COG5: variants seen among roughly 807,000 people sequenced by gnomAD.
The protein encoded by COG5 is component of oligomeric golgi complex 5.
Under a neutral mutation model 110.4 loss-of-function variants are expected in COG5, and 86 were observed. The observed-to-expected ratio is 0.78, with a 90% confidence interval of 0.65 to 0.93. COG5 has a LOEUF of 0.93. Ranked by LOEUF, COG5 falls within the 40% of genes least tolerant of loss-of-function variation. COG5 has a pLI of 0.00. For missense variants in COG5, 1,077 were observed against 987.0 expected, an observed-to-expected ratio of 1.09 and a Z score of -1.22; for synonymous variants, 360 against 334.6, an observed-to-expected ratio of 1.08 and a Z score of -0.83.
chr7:107,361,202 A>T (rs574882406), intron 10 of COG5, among the ~76,000 whole-genome samples: 34 of 152,328 alleles, frequency 2.2e-4, no homozygotes, highest in African/African-American at 8.2e-4. Context: ...AAAACACATC[A>T]ATATAATGAA....
At chr7:107,512,677 T>C (rs112896915) in intron 6 of COG5, among the ~76,000 whole-genome samples, 1 of 152,240 alleles carries the variant, frequency 6.6e-6, no homozygotes, top group Non-Finnish European at 1.5e-5. Flanking sequence ...CAAAGCAGCA[T>C]GGTACTGGTA....
chr7:107,229,818 G>C (rs187919541), intron 19 of COG5, among the ~76,000 whole-genome samples: 370 of 146,690 alleles, frequency 2.5e-3, no homozygotes, highest in African/African-American at 8.5e-3. Flanking sequence ...CATTGAACTA[G>C]ATTCTTCTGT....
chr7:107,321,669 C>T (rs990409980), intron 11 of COG5, among the ~76,000 whole-genome samples: 5 of 151,960 alleles, frequency 3.3e-5, no homozygotes, highest in Non-Finnish European at 7.4e-5. Flanking sequence ...AGTCAATAGG[C>T]AGAGAATAAT....
intron 6 of COG5, among the ~76,000 whole-genome samples, chr7:107,456,013 G>A (rs904425378): frequency 1.3e-5 from 2 of 151,912 alleles, no homozygotes; most frequent in African/African-American, 2.4e-5. Context: ...TGGCCAGGCT[G>A]GTCTCGAACT....
chr7:107,242,153 G>A (rs1015210129), intron 17 of COG5, among the ~76,000 whole-genome samples: 2 of 152,190 alleles, frequency 1.3e-5, no homozygotes, highest in African/African-American at 4.8e-5. Context: ...GAAGCAGCTA[G>A]TGTGCAGGGC....
intron 6 of COG5, among the ~76,000 whole-genome samples, chr7:107,434,850 G>C (rs569276728): frequency 6.6e-6 from 1 of 152,022 alleles, no homozygotes; most frequent in East Asian, 1.9e-4. Context: ...AATGCCTGTA[G>C]TCCCAGCTAC....
rs1802930600 is a variant in COG5, at chr7:107,256,916, A to G, written c.1687-122T>C. 1.3e-5 allele frequency: 9 copies of G among 708,700 alleles called. No homozygotes were observed. In the East Asian group the frequency reaches 2.5e-4, roughly 19 times the overall value. The allele number at this position is 708,700 out of a possible 1,614,324, so 43.9% of individuals were successfully genotyped here. ...ATATATACAATATTATCATTGCTTT[A>G]CAGTAATATCTTATACATGATTTTA... On this transcript the variant is annotated intron_variant, in intron 15 of 21. Coordinates refer to ENST00000297135, the MANE Select transcript of COG5 (RefSeq NM_006348.5).
chr7:107,370,296 C>A (rs1055702072), intron 8 of COG5, among the ~76,000 whole-genome samples: 6 of 151,988 alleles, frequency 3.9e-5, no homozygotes, highest in Non-Finnish European at 7.4e-5. Context: ...TTGAAATAAT[C>A]TTACACTTAT....
chr7:107,463,140 G>T (rs755693786), intron 6 of COG5, among the ~76,000 whole-genome samples: 2 of 152,212 alleles, frequency 1.3e-5, no homozygotes, highest in Non-Finnish European at 2.9e-5. Context: ...ATCCAGGGCC[G>T]TAATGAGTCA....
chr7:107,324,258 G>A (rs1223890385), intron 11 of COG5, among the ~76,000 whole-genome samples, 182 bp downstream of exon 11: 1 of 152,020 alleles, frequency 6.6e-6, no homozygotes, highest in African/African-American at 2.4e-5. Flanking sequence ...TAAAAATTTT[G>A]TTTACTGAAT....
intron 19 of COG5, among the ~76,000 whole-genome samples, chr7:107,224,371 C>T (rs1039100968): frequency 1.3e-5 from 2 of 152,196 alleles, no homozygotes; most frequent in Non-Finnish European, 2.9e-5. Context: ...GACAGGAACA[C>T]TACATTCTAG....
At position 107,202,046 on chromosome 7, in the gene COG5, C is replaced by T. The variant is rs1798362437; in HGVS notation, c.*1470G>A. On this transcript the variant is annotated 3_prime_UTR_variant, in exon 22 of 22. Transcript: ENST00000297135. ...GTTACCATGGCATGCTGAGTTGATG[C>T]ACCAGGTGGCAGCAGCCATCCGTTA... 2 of 152,698 alleles carry T rather than the reference C, an allele frequency of 1.3e-5. No homozygotes were observed. The highest frequency in any genetic ancestry group is 2.4e-5 in the African/African-American group (1 of 41,448). 9.5% of individuals were successfully genotyped at this position (152,698 alleles called of 1,614,324 possible).
rs371967342 is a variant in COG5, at chr7:107,534,760, C to T, written c.418-7403G>A. ...CCAATGTCAATATTAGTCAGATCAA[C>T]GAAACAGAAAATTAACAAGGATATT... On this transcript the variant is annotated intron_variant, in intron 5 of 21. Coordinates refer to ENST00000297135, the MANE Select transcript of COG5 (RefSeq NM_006348.5). 1.1e-4 allele frequency among the ~76,000 whole-genome samples: 17 copies of T among 151,424 alleles called. No individual in the cohort carries two copies. The South Asian group carries it at 1.5e-3, about 13-fold the overall frequency.
intron 6 of COG5, among the ~76,000 whole-genome samples, chr7:107,455,516 AT>A (rs1795606537): frequency 6.6e-6 from 1 of 152,214 alleles, no homozygotes; most frequent in South Asian, 2.1e-4. Flanking sequence ...ATGTTTTTAC[AT>A]TTTTAAAAGG....
intron 12 of COG5, among the ~76,000 whole-genome samples, chr7:107,293,802 G>A (rs1369679038): frequency 6.6e-6 from 1 of 152,122 alleles, no homozygotes; most frequent in Non-Finnish European, 1.5e-5. Flanking sequence ...GCAGGGTGCG[G>A]TGACTCAGGC....
chr7:107,507,318 T>G (rs1799092995), intron 6 of COG5, among the ~76,000 whole-genome samples: 1 of 148,104 alleles, frequency 6.8e-6, no homozygotes, highest in Non-Finnish European at 1.5e-5. Flanking sequence ...TTTTTTGAGA[T>G]GGAGTCTCGC....
intron 11 of COG5, among the ~76,000 whole-genome samples, chr7:107,316,517 A>C (rs1003367094): frequency 6.6e-6 from 1 of 152,090 alleles, no homozygotes; most frequent in African/African-American, 2.4e-5. Flanking sequence ...TGTAATGGTT[A>C]AGAAAAGAAA....
At chr7:107,462,192 C>T (rs1796032894) in intron 6 of COG5, among the ~76,000 whole-genome samples, 1 of 152,080 alleles carries the variant, frequency 6.6e-6, no homozygotes, top group African/African-American at 2.4e-5. Context: ...CACTTGAGTA[C>T]CTGGGGAAGA....
chr7:107,547,980 A>AT (rs889022035), intron 5 of COG5, 131 bp downstream of exon 5: 52 of 770,832 alleles, frequency 6.7e-5, no homozygotes, highest in African/African-American at 5.8e-4. Flanking sequence ...GCTTTTTAGT[A>AT]TTTTTTTCTC....
Sources: allele counts gnomAD v4.1 joint callset (sites outside exome capture counted in the v4.1 genomes callset), GRCh38; gene constraint gnomAD v4.1.1; transcripts MANE v1.5; gene names NCBI Gene and HGNC (gene_info 2026-07-23, HGNC 2026-07-21).